Variants in ARHGEF39 observed in about 807,000 individuals in gnomAD.
ARHGEF39 encodes the protein Rho guanine nucleotide exchange factor 39, also known as Rho guanine nucleotide exchange factor (GEF) 39.
In ARHGEF39, 45 loss-of-function variants were observed where a neutral mutation model predicts 47.5. The observed-to-expected ratio is 0.95, with a 90% confidence interval of 0.75 to 1.22. The LOEUF is 1.22. Ranked by LOEUF, ARHGEF39 falls within the 50% of genes most tolerant of loss-of-function variation. ARHGEF39 has a pLI of 0.00. For missense variants in ARHGEF39, 411 were observed against 425.3 expected, an observed-to-expected ratio of 0.97 and a Z score of 0.30; for synonymous variants, 164 against 167.8, an observed-to-expected ratio of 0.98 and a Z score of 0.17.
chr9:35,663,207 C>T lies in ARHGEF39; in HGVS notation c.544+115G>A, dbSNP rs761359226. ...AAGAAAAGGCAGAGCAGTAGGGACACTGTATACATGTCAGTGGAAGATAGG... is the reference window on the plus strand; with the variant it reads ...AAGAAAAGGCAGAGCAGTAGGGACATTGTATACATGTCAGTGGAAGATAGG... On this transcript the variant is annotated intron_variant, in intron 5 of 8. Transcript: ENST00000378387. 384 of 1,551,758 alleles carry T rather than the reference C, an allele frequency of 2.5e-4. 1 individual carries two copies. The highest frequency in any genetic ancestry group is 3.0e-4 in the Non-Finnish European group (335 of 1,123,988).
At chr9:35,663,122 G>A in intron 5 of ARHGEF39, 48 bp from the exon 6 acceptor site, 2 of 1,607,388 alleles carry the variant, frequency 1.2e-6, no homozygotes, top group Non-Finnish European at 1.7e-6. Context: ...TTGACTTTGG[G>A]TGCCATGGTT....
rs1823905994 is a variant in ARHGEF39 at position 35,660,966 on chromosome 9, TTC to T, written c.*1019_*1020del. 1 of 1,614,130 alleles carries T rather than the reference TTC, an allele frequency of 6.2e-7. No individual in the cohort carries two copies. The highest frequency in any genetic ancestry group is 8.5e-7 in the Non-Finnish European group (1 of 1,180,030). On this transcript the variant is annotated 3_prime_UTR_variant, in exon 9 of 9. Transcript: ENST00000378387. ...GGCCAGCAGACCTCTTCCTGAGGAC[TTC>T]TGTTTAAAGGAGGACGAGGAGGAGA...
chr9:35,663,300 T>A, intron 5 of ARHGEF39, 22 bp downstream of exon 5: 2 of 1,613,252 alleles, frequency 1.2e-6, no homozygotes, highest in Non-Finnish European at 1.7e-6. Context: ...CCAGCCTGCG[T>A]TGCCGAGGAG....
In ARHGEF39 at chr9:35,660,753, A is replaced by G. The variant is rs778200263; in HGVS notation, c.*1234T>C. 14 of 1,613,692 alleles carry G rather than the reference A, an allele frequency of 8.7e-6. No individual in the cohort carries two copies. The East Asian group carries it at 3.1e-4, about 36-fold the overall frequency. On this transcript the variant is annotated 3_prime_UTR_variant, in exon 9 of 9. Transcript: ENST00000378387. ...GAGTGGACATTTCTTCAGTGTGACT[A>G]CTCTGGCTGGAGCCCAGCAGGAGCT...
At chr9:35,662,044 C>T in intron 8 of ARHGEF39, 42 bp from the exon 9 acceptor site, 1 of 1,612,896 alleles carries the variant, frequency 6.2e-7, no homozygotes, top group Non-Finnish European at 8.5e-7. Flanking sequence ...GGTATGAGTG[C>T]TTTATTCAGA....
At position 35,660,715 on chromosome 9, in the gene ARHGEF39, G is replaced by C; in HGVS notation, c.*1272C>G. 1 of 1,613,896 alleles carries C rather than the reference G, an allele frequency of 6.2e-7. No homozygotes were observed. The highest frequency in any genetic ancestry group is 8.5e-7 in the Non-Finnish European group (1 of 1,179,810). Reference sequence around the variant, plus strand: ...GCAGGAGGGAGGAATGGGGACATAGGTTGGGAGCCACTGAGTGGACATTTC... The same window carrying C: ...GCAGGAGGGAGGAATGGGGACATAGCTTGGGAGCCACTGAGTGGACATTTC... On this transcript the variant is annotated 3_prime_UTR_variant, in exon 9 of 9. Coordinates refer to ENST00000378387, the MANE Select transcript of ARHGEF39 (RefSeq NM_032818.3).
At chr9:35,662,852 GGTGA>G (rs1178628200) in intron 6 of ARHGEF39, 90 bp downstream of exon 6, 27 of 1,562,410 alleles carry the variant, frequency 1.7e-5, no homozygotes, top group Non-Finnish European at 2.3e-5. Flanking sequence ...CAGGAAGAAG[GGTGA>G]GTAAGAAAAG....
chr9:35,661,430 G>A lies in ARHGEF39; in HGVS notation c.*557C>T, dbSNP rs369305081. The A allele has an allele frequency of 7.5e-5, 34 of 451,150 alleles. No individual in the cohort carries two copies. Among genetic ancestry groups the A allele is most frequent in the East Asian group, 3.7e-4 (11 of 30,000 alleles). The allele number at this position is 451,150 out of a possible 1,614,324, so 27.9% of individuals were successfully genotyped here. On this transcript the variant is annotated 3_prime_UTR_variant, in exon 9 of 9. Transcript: ENST00000378387. The stretch of plus-strand genomic sequence containing the variant: ...TCTCATAGCAAAACTGAGACAGAAG[G>A]GTCTTTCCCAAAAAAAAGAAAAAAA...
rs1426952041 is a variant in ARHGEF39, at chr9:35,664,462, G to A, written c.264C>T (p.Cys88=). 3 of 1,607,044 alleles carry A rather than the reference G, an allele frequency of 1.9e-6. No individual in the cohort carries two copies. Among genetic ancestry groups the A allele is most frequent in the South Asian group, 1.1e-5 (1 of 90,362 alleles). Residue 88 remains cysteine, a synonymous_variant, in exon 3 of 9, where the codon TGC becomes TGT. Coordinates refer to ENST00000378387, the MANE Select transcript of ARHGEF39 (RefSeq NM_032818.3). ...AGAAGCCCTCCAGCCCTTGGCCCCAGCATCCTCCTTCCAGGTAGGGAAGCA... is the reference window on the plus strand; with the variant it reads ...AGAAGCCCTCCAGCCCTTGGCCCCAACATCCTCCTTCCAGGTAGGGAAGCA... ...QELLPYLEGG[C]WGQGLEGFCR... is the part of the protein sequence containing the mutation.
At chr9:35,662,083 G>T in intron 8 of ARHGEF39, 81 bp from the exon 9 acceptor site, 2 of 1,603,206 alleles carry the variant, frequency 1.2e-6, no homozygotes, top group Middle Eastern at 1.7e-4. Flanking sequence ...GGTGGCTGGG[G>T]TGTGCCAGAC....
chr9:35,662,925 A>C (rs1321748715), intron 6 of ARHGEF39, 21 bp downstream of exon 6: 3 of 1,604,426 alleles, frequency 1.9e-6, no homozygotes, highest in South Asian at 1.1e-5. Context: ...TTGAGGATTG[A>C]AGGGGAAGTA....
Position 35,663,034 on chromosome 9 carries a change from A to G in ARHGEF39, c.585T>C (p.His195=), listed in dbSNP as rs1359867974. The G allele has an allele frequency of 1.2e-6, 2 of 1,611,924 alleles. No individual in the cohort carries two copies. Among genetic ancestry groups the G allele is most frequent in the African/African-American group, 1.3e-5 (1 of 74,936 alleles). Residue 195 remains histidine, a synonymous_variant, in exon 6 of 9, where the codon CAT becomes CAC. Transcript: ENST00000378387. ...RLISETAQRV[H]TIGQKQKNDQ... ...CATTCTTCTGTTTCTGACCAATAGT[A>G]TGGACTCTCTGGGCAGTCTCACTTA...
In ARHGEF39 at chr9:35,662,530, A is replaced by T; in HGVS notation, c.885T>A (p.Pro295=). The change falls in exon 7 of 9, where the codon CCT becomes CCA. Residue 295 remains proline (P), a synonymous_variant. Transcript: ENST00000378387. ...TACTTACACTGAGCAACCCACCACAAGGGCCTCCTGAGTGGCCAAAGACCC... is the reference window on the plus strand; with the variant it reads ...TACTTACACTGAGCAACCCACCACATGGGCCTCCTGAGTGGCCAAAGACCC... ...LSRVFGHSGG[P]CGGLLSLSFP... The T allele has an allele frequency of 6.2e-7, 1 of 1,613,720 alleles. No individual in the cohort carries two copies. Among genetic ancestry groups the T allele is most frequent in the South Asian group, 1.1e-5 (1 of 91,070 alleles).
chr9:35,659,356 T>G lies in ARHGEF39; in HGVS notation c.*2631A>C, dbSNP rs568929247. Reference sequence around the variant, plus strand: ...GATGTGACAGGCTAGGATGAATGACTGAATTTAATGATGAACTTTGAGAAG... The same window carrying G: ...GATGTGACAGGCTAGGATGAATGACGGAATTTAATGATGAACTTTGAGAAG... On this transcript the variant is annotated 3_prime_UTR_variant, in exon 9 of 9. Coordinates refer to ENST00000378387, the MANE Select transcript of ARHGEF39 (RefSeq NM_032818.3). The G allele has an allele frequency of 6.6e-6, 1 of 152,348 alleles. No homozygotes were observed. The highest frequency in any genetic ancestry group is 1.9e-4 in the East Asian group (1 of 5,190). 9.4% of individuals were successfully genotyped at this position (152,348 alleles called of 1,614,324 possible). A position where few individuals can be genotyped will look rare whatever the true frequency, so the allele number is the denominator to read the frequency against.
chr9:35,664,238 T>G (rs543990541), intron 3 of ARHGEF39, 112 bp from the exon 4 acceptor site: 1 of 1,493,504 alleles, frequency 6.7e-7, no homozygotes, highest in African/African-American at 1.4e-5. Flanking sequence ...AGAGAAACTC[T>G]CGTTTCTCTA....
Position 35,663,012 on chromosome 9 carries a change from T to G in ARHGEF39, c.607A>C (p.Asn203His). Residue 203 changes from asparagine to histidine, a missense_variant, in exon 6 of 9, where the codon AAT (asparagine) becomes CAT (histidine). Transcript: ENST00000378387. ...TGGACACGCCGAAGGTGCTGGTCAT[T>G]CTTCTGTTTCTGACCAATAGTATGG... ...RVHTIGQKQK[N>H]DQHLRRVQAL... 6.2e-7 allele frequency: 1 copy of G among 1,611,064 alleles called. No homozygotes were observed. Among genetic ancestry groups the G allele is most frequent in the Non-Finnish European group, 8.5e-7 (1 of 1,177,606 alleles).
chr9:35,664,946 C>G, intron 1 of ARHGEF39, 86 bp downstream of exon 1: 2 of 1,522,294 alleles, frequency 1.3e-6, no homozygotes, highest in Non-Finnish European at 1.8e-6. Flanking sequence ...AGGCTCCCTA[C>G]ATGCTCCGGG....
At chr9:35,663,235 C>A in intron 5 of ARHGEF39, 87 bp downstream of exon 5, 1 of 1,560,492 alleles carries the variant, frequency 6.4e-7, no homozygotes, top group South Asian at 1.1e-5. Context: ...AAGATAGGGT[C>A]ATACCAGACA....
chr9:35,662,427 G>T, intron 7 of ARHGEF39, 85 bp downstream of exon 7: 1 of 1,467,206 alleles, frequency 6.8e-7, no homozygotes, highest in Non-Finnish European at 9.3e-7. Context: ...CTGTTCCTAT[G>T]AAAAGGGACC....
Sources: gnomAD v4.1 joint callset for allele counts on GRCh38, gnomAD v4.1.1 for gene constraint, MANE v1.5 for transcripts, NCBI Gene and HGNC (gene_info 2026-07-23, HGNC 2026-07-21) for gene names.